The following MEI4 variants were observed in gnomAD, a reference collection of about 807,000 sequenced individuals.
The protein encoded by MEI4 is meiosis-specific protein MEI4.
MEI4 carries 27 observed loss-of-function variants against 31.4 expected under a neutral mutation model. That is an observed-to-expected ratio of 0.86 (90% confidence interval 0.63 to 1.19). The LOEUF (loss-of-function observed/expected upper bound fraction) is 1.19. Among genes scored for constraint, MEI4 ranks in the 50% most tolerant of loss-of-function variants. MEI4 has a pLI of 0.00. For synonymous variants in MEI4, 122 were observed against 145.4 expected (o/e 0.84, Z 1.16); for missense variants, 329 against 398.9 (o/e 0.82, Z 1.49).
At chr6:77,665,497 G>A (rs1768612946) in intron 1 of MEI4, among the ~76,000 whole-genome samples, 1 of 152,126 alleles carries the variant, frequency 6.6e-6, no homozygotes, top group Non-Finnish European at 1.5e-5. Context: ...AAGCAGAGAA[G>A]GGATAGAGAC....
Position 77,862,224 on chromosome 6 carries a change from G to A in MEI4, c.900+33162G>A, listed in dbSNP as rs1392488124. 2.0e-5 allele frequency among the ~76,000 whole-genome samples: 3 copies of A among 152,154 alleles called. No individual in the cohort carries two copies. The East Asian group carries it at 5.8e-4, about 29-fold the overall frequency. On this transcript the variant is annotated intron_variant, in intron 4 of 4. Coordinates refer to ENST00000684080, the MANE Select transcript of MEI4 (RefSeq NM_001322247.2). ...GGAGAGTGTCAGAAAGTGGGTGCAG[G>A]GTGCAGGACAGTGGGTGCAGCGCAC... is the stretch of plus-strand genomic sequence containing the variant.
intron 2 of MEI4, among the ~76,000 whole-genome samples, chr6:77,756,121 T>C (rs1181386558): frequency 6.6e-6 from 1 of 152,158 alleles, no homozygotes; most frequent in African/African-American, 2.4e-5. Context: ...AATCTGGTTG[T>C]AGTTATGAAA....
intron 2 of MEI4, among the ~76,000 whole-genome samples, chr6:77,742,891 T>G (rs1188577502): frequency 2.6e-5 from 4 of 152,082 alleles, no homozygotes; most frequent in Non-Finnish European, 5.9e-5. Flanking sequence ...CTTTCCCCAT[T>G]GCTTGTTTTT....
intron 2 of MEI4, among the ~76,000 whole-genome samples, chr6:77,730,639 T>G (rs967481962): frequency 6.6e-6 from 1 of 151,762 alleles, no homozygotes; most frequent in East Asian, 1.9e-4. Context: ...TATTTATTAT[T>G]ATTATACCTT....
intron 2 of MEI4, among the ~76,000 whole-genome samples, chr6:77,727,814 T>G (rs1766865321): frequency 6.6e-6 from 1 of 152,192 alleles, no homozygotes; most frequent in Non-Finnish European, 1.5e-5. Flanking sequence ...TTAAAAAATG[T>G]TCTGGTCACA....
chr6:77,762,346 G>C (rs1768063917), intron 3 of MEI4, among the ~76,000 whole-genome samples: 1 of 152,144 alleles, frequency 6.6e-6, no homozygotes, highest in Non-Finnish European at 1.5e-5. Flanking sequence ...GAGATAACCT[G>C]AAGTTGTTTT....
chr6:77,793,213 G>C (rs9443471), intron 3 of MEI4, among the ~76,000 whole-genome samples: 34,573 of 151,884 alleles, frequency 0.23, 4,694 homozygotes, highest in African/African-American at 0.38. Flanking sequence ...TTTCTCAATA[G>C]AAATTTTACA....
chr6:77,680,244 A>C (rs1023503056), intron 1 of MEI4, among the ~76,000 whole-genome samples: 27 of 151,320 alleles, frequency 1.8e-4, no homozygotes, highest in African/African-American at 6.1e-4. Flanking sequence ...GCACCACCGC[A>C]CTCTAGCCTG....
intron 4 of MEI4, among the ~76,000 whole-genome samples, chr6:77,850,569 G>T (rs1173672810): frequency 6.6e-6 from 1 of 152,080 alleles, no homozygotes; most frequent in African/African-American, 2.4e-5. Context: ...GTGCTGGGAA[G>T]ACTGGCTAGC....
rs573413727 is a variant in MEI4 at position 77,681,247 on chromosome 6, T to A, written c.-14-9411T>A. Among the ~76,000 whole-genome samples the A allele has an allele frequency of 5.9e-5, 9 of 152,294 alleles. No individual in the cohort carries two copies. In the South Asian group the frequency reaches 1.9e-3, roughly 32 times the overall value. ...TCTTATTTTATGACACGGGACTGTT[T>A]TTCACCGCCAGGGTATATATAGCCT... On this transcript the variant is annotated intron_variant, in intron 1 of 4. Transcript: ENST00000684080.
intron 1 of MEI4, among the ~76,000 whole-genome samples, chr6:77,690,283 A>C (rs1012351029): frequency 6.6e-5 from 10 of 152,026 alleles, no homozygotes; most frequent in Non-Finnish European, 1.5e-4. Context: ...TAAAAGCCTC[A>C]GTCCTACTCA....
intron 3 of MEI4, among the ~76,000 whole-genome samples, chr6:77,764,375 G>T (rs1768117014): frequency 6.6e-6 from 1 of 152,000 alleles, no homozygotes; most frequent in Admixed American, 6.6e-5. Flanking sequence ...GCCAAGGGTT[G>T]TCAATTATCT....
chr6:77,789,514 A>T (rs1768852495), intron 3 of MEI4, among the ~76,000 whole-genome samples: 1 of 152,208 alleles, frequency 6.6e-6, no homozygotes, highest in African/African-American at 2.4e-5. Flanking sequence ...CATCTGACAA[A>T]GGGCTAATAT....
chr6:77,748,270 T>G (rs1767667305), intron 2 of MEI4, among the ~76,000 whole-genome samples: 1 of 152,210 alleles, frequency 6.6e-6, no homozygotes, highest in African/African-American at 2.4e-5. Flanking sequence ...CCTCTCCCCC[T>G]GCAGCAGACT....
intron 2 of MEI4, among the ~76,000 whole-genome samples, chr6:77,741,532 A>G (rs1317243576): frequency 1.3e-5 from 2 of 152,174 alleles, no homozygotes; most frequent in South Asian, 2.1e-4. Context: ...TCAGATACAT[A>G]TGTTATGACA....
At chr6:77,778,791 A>T (rs931132698) in intron 3 of MEI4, among the ~76,000 whole-genome samples, 19 of 152,220 alleles carry the variant, frequency 1.2e-4, no homozygotes, top group Non-Finnish European at 1.9e-4. Context: ...AGGATTTGAC[A>T]TGGAGAAATA....
At chr6:77,774,421 A>G (rs769407184) in intron 3 of MEI4, among the ~76,000 whole-genome samples, 39 of 152,148 alleles carry the variant, frequency 2.6e-4, no homozygotes, top group Non-Finnish European at 4.0e-4. Flanking sequence ...CCAGGAAGAC[A>G]AACTTCACAT....
chr6:77,812,058 G>T (rs557787036), intron 3 of MEI4, among the ~76,000 whole-genome samples: 39 of 152,070 alleles, frequency 2.6e-4, no homozygotes, highest in Non-Finnish European at 4.9e-4. Context: ...TCAAAAGGAG[G>T]TTATTTAGGT....
chr6:77,736,705 A>G (rs1368913390), intron 2 of MEI4, among the ~76,000 whole-genome samples: 1 of 152,104 alleles, frequency 6.6e-6, no homozygotes, highest in African/African-American at 2.4e-5. Context: ...TAGAAAATAC[A>G]GAAAGATAAA....
Sources: gnomAD v4.1 joint callset for allele counts (sites outside exome capture counted in the v4.1 genomes callset) on GRCh38, gnomAD v4.1.1 for gene constraint, MANE v1.5 for transcripts, NCBI Gene and HGNC (gene_info 2026-07-23, HGNC 2026-07-21) for gene names.